The following FKBP4 variants were observed in gnomAD, a reference collection of about 807,000 sequenced individuals.
FKBP4 encodes peptidyl-prolyl cis-trans isomerase FKBP4.
In FKBP4, 28 loss-of-function variants were observed where a neutral mutation model predicts 54.1. The observed-to-expected ratio is 0.52, with a 90% CI of 0.38 to 0.71. FKBP4 has a LOEUF of 0.71. Ranked by LOEUF, FKBP4 falls within the 30% of genes least tolerant of loss-of-function variation. FKBP4 has a pLI of 0.00. For missense variants in FKBP4, 493 were observed against 574.4 expected (o/e 0.86, Z 1.45); for synonymous variants, 223 against 216.1 (o/e 1.03, Z -0.28).
At chr12:2,797,107 G>C (rs1218380372) in intron 1 of FKBP4, 31 bp from the exon 2 acceptor site, 21 of 1,611,306 alleles carry the variant, frequency 1.3e-5, no homozygotes, top group Non-Finnish European at 1.8e-5. Flanking sequence ...CCCAAACCCT[G>C]GGGTACTCAC....
In FKBP4 at chr12:2,797,709, G is replaced by C. The variant is rs1338960786; in HGVS notation, c.251-20G>C. The C allele has an allele frequency of 1.9e-6, 3 of 1,603,568 alleles. No individual in the cohort carries two copies. The highest frequency in any genetic ancestry group is 2.6e-6 in the Non-Finnish European group (3 of 1,172,682). ...ATCAGAACCCTGCTAAGGCGGTCCT[G>C]TTTGCTTCTGTACCTGCAGGGGAGG... On this transcript the variant is annotated intron_variant, in intron 2 of 9. Coordinates refer to ENST00000001008, the MANE Select transcript of FKBP4 (RefSeq NM_002014.4).
intron 2 of FKBP4, 21 bp downstream of exon 2, chr12:2,797,303 G>C: frequency 6.2e-7 from 1 of 1,613,460 alleles, no homozygotes; most frequent in Middle Eastern, 1.7e-4. Context: ...TCAGTGGGCT[G>C]GTAGGATAGG....
intron 9 of FKBP4, among the ~76,000 whole-genome samples, chr12:2,802,159 CAG>C (rs1473800856): frequency 2.0e-5 from 3 of 151,974 alleles, no homozygotes; most frequent in African/African-American, 4.8e-5. Context: ...TTTTCTGAGA[CAG>C]AGTTTCGTTC....
chr12:2,799,323 G>C, intron 5 of FKBP4, 79 bp downstream of exon 5: 2 of 1,414,508 alleles, frequency 1.4e-6, no homozygotes, highest in Non-Finnish European at 9.4e-7. Context: ...AGAACCAGCT[G>C]TTTGTATCCT....
At chr12:2,796,896 C>T in intron 1 of FKBP4, 1 of 1,324,778 alleles carries the variant, frequency 7.5e-7, no homozygotes, top group Non-Finnish European at 9.6e-7. Flanking sequence ...GAAACTTGAA[C>T]TCAGATCTCT....
chr12:2,799,408 A>C (rs1367992131), intron 5 of FKBP4, among the ~76,000 whole-genome samples, 164 bp downstream of exon 5: 1 of 152,208 alleles, frequency 6.6e-6, no homozygotes, highest in African/African-American at 2.4e-5. Flanking sequence ...CCAATTGTCT[A>C]CATCTCCTTG....
chr12:2,801,441 G>A, intron 9 of FKBP4, 85 bp downstream of exon 9: 5 of 1,583,076 alleles, frequency 3.2e-6, no homozygotes, highest in Non-Finnish European at 8.6e-7. Context: ...TTGGTTGTCT[G>A]TGCCAATCCC....
rs1328589657 is a variant in FKBP4 at position 2,799,986 on chromosome 12, G to A, written c.762+46G>A. On this transcript the variant is annotated intron_variant, in intron 6 of 9. Transcript: ENST00000001008. ...CCCATCTAAAGTCAAGTTCCACCCT[G>A]TACGTGACTCTGGGGTAGCTGACAA... 7 of 1,613,210 alleles carry A rather than the reference G, an allele frequency of 4.3e-6. No individual in the cohort carries two copies. The East Asian group carries it at 6.7e-5, about 15-fold the overall frequency.
intron 9 of FKBP4, 49 bp from the exon 10 acceptor site, chr12:2,803,102 G>GT (rs757801467): frequency 4.5e-6 from 6 of 1,325,554 alleles, no homozygotes; most frequent in African/African-American, 1.5e-5. Flanking sequence ...TTAAGTGTGT[G>GT]TTTTTTCACT....
intron 1 of FKBP4, chr12:2,796,336 G>A (rs2097901838): frequency 8.5e-6 from 11 of 1,289,148 alleles, no homozygotes; most frequent in Non-Finnish European, 1.1e-5. Flanking sequence ...TCGCTCCAGC[G>A]TCCTGCCGTT....
chr12:2,797,920 A>G, intron 3 of FKBP4, 49 bp downstream of exon 3: 1 of 1,574,546 alleles, frequency 6.4e-7, no homozygotes, highest in South Asian at 1.2e-5. Flanking sequence ...GCCTTATCTC[A>G]GCCCAATGCC....
Position 2,795,695 on chromosome 12 carries a change from G to T in FKBP4, c.105+451G>T, listed in dbSNP as rs2097901373. ...AGCCGCGGGCCGCCTCGTTGGTGGC[G>T]GTGCCAGGGCTCGCCCACCCGGGCG... On this transcript the variant is annotated intron_variant, in intron 1 of 9. Transcript: ENST00000001008. This position sits in a 1 kb window ranked among gnomAD's most constrained non-coding sequence, Gnocchi z 4.3. 1 of 151,318 alleles carries T rather than the reference G, an allele frequency of 6.6e-6. No homozygotes were observed. The highest frequency in any genetic ancestry group is 1.5e-5 in the Non-Finnish European group (1 of 67,734). The allele number at this position is 151,318 out of a possible 1,614,324, so 9.4% of individuals were successfully genotyped here.
At position 2,795,030 on chromosome 12, in the gene FKBP4, G is replaced by T. The variant is rs2097900799; in HGVS notation, c.-110G>T. ...CAAGCCTCCTCGCGGTCCGCAGTCA[G>T]TGCCGCCGCGCCCGGCCTCCCGCAC... On this transcript the variant is annotated 5_prime_UTR_variant, in exon 1 of 10. Transcript: ENST00000001008. The surrounding 1 kb of genome is among the most constrained non-coding windows in gnomAD (Gnocchi z 4.3). 1.5e-5 allele frequency: 8 copies of T among 543,510 alleles called. No homozygotes were observed. The highest frequency in any genetic ancestry group is 2.2e-5 in the Non-Finnish European group (8 of 371,288). 33.7% of individuals were successfully genotyped at this position (543,510 alleles called of 1,614,324 possible). A position where few individuals can be genotyped will look rare whatever the true frequency, so the allele number is the denominator to read the frequency against.
At chr12:2,797,598 C>A (rs1603481354) in intron 2 of FKBP4, 131 bp from the exon 3 acceptor site, 1 of 1,118,070 alleles carries the variant, frequency 8.9e-7, no homozygotes, top group East Asian at 2.4e-5. Context: ...CCAGGTACCT[C>A]ACCTTCTGGT....
chr12:2,798,284 G>T lies in FKBP4; in HGVS notation c.393+413G>T, dbSNP rs183650476. On this transcript the variant is annotated intron_variant, in intron 3 of 9. Coordinates refer to ENST00000001008, the MANE Select transcript of FKBP4 (RefSeq NM_002014.4). The surrounding 1 kb of genome is among the most constrained non-coding windows in gnomAD (Gnocchi z 4.3). Reference sequence around the variant, plus strand: ...GAGAAAAGGCTTCACTGAGGAGATAGAACTTGACATTGTTCAATCTGAAAA... The same window carrying T: ...GAGAAAAGGCTTCACTGAGGAGATATAACTTGACATTGTTCAATCTGAAAA... Among the ~76,000 whole-genome samples the T allele has an allele frequency of 8.5e-5, 13 of 152,334 alleles. No individual in the cohort carries two copies. In the East Asian group the frequency reaches 2.3e-3, roughly 27 times the overall value.
chr12:2,796,507 G>A, intron 1 of FKBP4: 5 of 1,200,216 alleles, frequency 4.2e-6, no homozygotes, highest in Non-Finnish European at 5.3e-6. Flanking sequence ...AAGCCTTTAC[G>A]TTTCTGGGAA....
chr12:2,802,584 C>CAAAA (rs2097905444), intron 9 of FKBP4, among the ~76,000 whole-genome samples: 1 of 152,242 alleles, frequency 6.6e-6, no homozygotes, highest in Admixed American at 6.5e-5. Flanking sequence ...AAACCATCTT[C>CAAAA]AAAATCCAAT....
intron 5 of FKBP4, 24 bp downstream of exon 5, chr12:2,799,268 G>A (rs769891493): frequency 2.7e-6 from 4 of 1,467,266 alleles, no homozygotes; most frequent in Non-Finnish European, 3.6e-6. Flanking sequence ...ACTTCGTAGG[G>A]TAGGCAGGCA....
Position 2,799,968 on chromosome 12 carries a change from A to G in FKBP4, c.762+28A>G, listed in dbSNP as rs764893177. On this transcript the variant is annotated intron_variant, in intron 6 of 9. Transcript: ENST00000001008. The stretch of plus-strand genomic sequence containing the variant: ...AAGTTTGCTCAGGGTCTTCCCATCT[A>G]AAGTCAAGTTCCACCCTGTACGTGA... The G allele has an allele frequency of 9.0e-5, 145 of 1,613,314 alleles. No homozygotes were observed. In the Admixed American group the frequency reaches 9.5e-4, roughly 11 times the overall value.
Sources: gnomAD v4.1 joint callset for allele counts (sites outside exome capture counted in the v4.1 genomes callset) on GRCh38, gnomAD v4.1.1 for gene constraint, Gnocchi (gnomAD v3.1) non-coding constraint, MANE v1.5 for transcripts, NCBI Gene and HGNC (gene_info 2026-07-23, HGNC 2026-07-21) for gene names.